The following PLXNA2 variants were observed in gnomAD, a reference collection of about 807,000 sequenced individuals.
PLXNA2 encodes plexin A2.
In PLXNA2, 91 loss-of-function variants were observed where a neutral mutation model predicts 193.5. That is an observed-to-expected ratio of 0.47 (90% CI 0.40 to 0.56). PLXNA2 has a LOEUF of 0.56. Among genes scored for constraint, PLXNA2 ranks in the 20% least tolerant of loss-of-function variants. The probability of loss-of-function intolerance (pLI) is 0.00; values close to 1 mark genes in which losing one functional copy is unlikely to be tolerated. For synonymous variants in PLXNA2, 997 were observed against 1,027.3 expected, an observed-to-expected ratio of 0.97 and a Z score of 0.56; for missense variants, 1,995 against 2,503.2, an observed-to-expected ratio of 0.80 and a Z score of 4.33.
In PLXNA2 at chr1:208,052,223, A is replaced by T. The variant is rs1665286573; in HGVS notation, c.2993+104T>A. 2.6e-6 allele frequency: 3 copies of T among 1,163,792 alleles called. No individual in the cohort carries two copies. The South Asian group carries it at 4.2e-5, about 16-fold the overall frequency. The allele number at this position is 1,163,792 out of a possible 1,614,324, so 72.1% of individuals were successfully genotyped here. Reference sequence around the variant, plus strand: ...TTTGGGTCTAGGTGTAGCAAATAACATGGAGGTGATGGGGCAGGCCTATGA... The same window carrying T: ...TTTGGGTCTAGGTGTAGCAAATAACTTGGAGGTGATGGGGCAGGCCTATGA... On this transcript the variant is annotated intron_variant, in intron 15 of 31. Coordinates refer to ENST00000367033, the MANE Select transcript of PLXNA2 (RefSeq NM_025179.4).
At chr1:208,152,101 T>G (rs1043348347) in intron 3 of PLXNA2, among the ~76,000 whole-genome samples, 9 of 152,250 alleles carry the variant, frequency 5.9e-5, no homozygotes, top group Non-Finnish European at 1.3e-4. Flanking sequence ...GAGATTGCCC[T>G]GCATTTTATA....
Position 208,038,867 on chromosome 1 carries a change from C to T in PLXNA2, c.4618G>A (p.Val1540Met). Residue 1540 changes from valine to methionine, a missense_variant, in exon 25 of 32, where the codon GTG becomes ATG. Around this residue, in one of 3 missense-constraint regions of PLXNA2, gnomAD observed 1,291 missense variants for 1,673.6 expected, o/e 0.77. Coordinates refer to ENST00000367033, the MANE Select transcript of PLXNA2 (RefSeq NM_025179.4). The surrounding 1 kb of genome is among the most constrained non-coding windows in gnomAD (Gnocchi z 4.1). ...GCCCTCGGCCGCTGGGAATAGGGCA[C>T]ATTCTTATACACGGCATCAAGAATC... ...EKILDAVYKNVPYSQRPRAVD... is the reference protein window; with the variant it reads ...EKILDAVYKNMPYSQRPRAVD... The T allele has an allele frequency of 3.7e-6, 6 of 1,614,134 alleles. No individual in the cohort carries two copies. Among genetic ancestry groups the T allele is most frequent in the Middle Eastern group, 3.3e-4 (2 of 6,062 alleles).
At position 208,062,968 on chromosome 1, in the gene PLXNA2, G is replaced by T. The variant is rs183682760; in HGVS notation, c.2587-2131C>A. ...GGAAAGGGCTGCTTCCTTACCTGCT[G>T]CAGGAGAGCATCAGCAGGAGACAAT... On this transcript the variant is annotated intron_variant, in intron 12 of 31. Coordinates refer to ENST00000367033, the MANE Select transcript of PLXNA2 (RefSeq NM_025179.4). Among the ~76,000 whole-genome samples the T allele has an allele frequency of 2.7e-4, 41 of 152,282 alleles. No individual in the cohort carries two copies. The East Asian group carries it at 4.8e-3, about 18-fold the overall frequency.
chr1:208,117,710 G>A (rs1483212269), intron 4 of PLXNA2, among the ~76,000 whole-genome samples: 2 of 152,138 alleles, frequency 1.3e-5, no homozygotes, highest in Non-Finnish European at 2.9e-5. Context: ...GCTATCTGCT[G>A]CCAATTCCAG....
intron 4 of PLXNA2, among the ~76,000 whole-genome samples, chr1:208,132,405 G>A (rs986172791): frequency 3.9e-5 from 6 of 152,192 alleles, no homozygotes; most frequent in Admixed American, 3.9e-4. Context: ...TGTGGATTTG[G>A]CTTCAGAGGT....
intron 26 of PLXNA2, among the ~76,000 whole-genome samples, chr1:208,037,999 G>T (rs574824489): frequency 1.3e-5 from 2 of 152,348 alleles, no homozygotes; most frequent in South Asian, 2.1e-4. Context: ...GCTAAAGAGA[G>T]AAAGTGCCAG....
intron 13 of PLXNA2, among the ~76,000 whole-genome samples, chr1:208,060,211 A>T (rs535612195): frequency 6.6e-6 from 1 of 152,182 alleles, no homozygotes; most frequent in Non-Finnish European, 1.5e-5. Context: ...CCGCAACTAC[A>T]TGCCTATTTT....
chr1:208,190,349 T>C (rs1024667331), intron 3 of PLXNA2, among the ~76,000 whole-genome samples: 1 of 152,236 alleles, frequency 6.6e-6, no homozygotes, highest in African/African-American at 2.4e-5. Context: ...CTGAGTTGTT[T>C]AATAACTGCA....
intron 13 of PLXNA2, among the ~76,000 whole-genome samples, chr1:208,059,570 C>A (rs1665549473): frequency 6.6e-6 from 1 of 152,168 alleles, no homozygotes; most frequent in Non-Finnish European, 1.5e-5. Context: ...AGGAGTCGTG[C>A]CCCATCACTG....
rs373572470 is a variant in PLXNA2, at chr1:208,108,048, G to C, written c.1507-4801C>G. Among the ~76,000 whole-genome samples the C allele has an allele frequency of 3.9e-5, 6 of 152,254 alleles. 1 individual carries two copies. Among genetic ancestry groups the C allele is most frequent in the African/African-American group, 1.4e-4 (6 of 41,532 alleles). On this transcript the variant is annotated intron_variant, in intron 4 of 31. Transcript: ENST00000367033. The stretch of plus-strand genomic sequence containing the variant: ...GTGTTCTTGGCTCTCCTGGCCCCGG[G>C]GCCCCGCGTCTCTGGTGCCTTCCTT...
In PLXNA2 at chr1:208,052,329, G is replaced by A. The variant is rs41283120; in HGVS notation, c.2991C>T (p.Tyr997=). The change falls in exon 15 of 32, where the codon TAC becomes TAT. Residue 997 remains tyrosine (Y), a splice_region_variant and synonymous_variant. Transcript: ENST00000367033. ...GTGGCCCTTCAAGTTTATCTCACCC[G>A]TAGAACTCGCAGGTCTGGTTGCCCA... ...VYLGNQTCEF[Y]GRSMSEIVCV... is the part of the protein sequence containing the mutation. The A allele has an allele frequency of 0.034, 55,318 of 1,612,414 alleles. 1,117 individuals carry two copies. Among genetic ancestry groups the A allele is most frequent in the Non-Finnish European group, 0.041 (48,146 of 1,179,878 alleles).
intron 4 of PLXNA2, among the ~76,000 whole-genome samples, chr1:208,133,102 A>G (rs1212669083): frequency 2.0e-5 from 3 of 152,160 alleles, no homozygotes; most frequent in Admixed American, 6.6e-5. Context: ...GCTGCTCTTC[A>G]CTAGAGAATC....
At chr1:208,200,246 T>C (rs915889498) in intron 3 of PLXNA2, among the ~76,000 whole-genome samples, 1 of 152,170 alleles carries the variant, frequency 6.6e-6, no homozygotes, top group Non-Finnish European at 1.5e-5. Context: ...AGGAGAAGAA[T>C]AGAACCACAG....
chr1:208,211,848 G>T (rs1246703918), intron 2 of PLXNA2, among the ~76,000 whole-genome samples: 2 of 152,202 alleles, frequency 1.3e-5, no homozygotes, highest in Non-Finnish European at 2.9e-5. Context: ...AAGGTCTCAA[G>T]AAAGATCTTA....
At chr1:208,132,326 A>G (rs1212402112) in intron 4 of PLXNA2, among the ~76,000 whole-genome samples, 1 of 152,042 alleles carries the variant, frequency 6.6e-6, no homozygotes, top group Admixed American at 6.5e-5. Context: ...GTGTGGGGAG[A>G]GCAGGAGGGG....
At chr1:208,162,170 G>A (rs577295784) in intron 3 of PLXNA2, among the ~76,000 whole-genome samples, 1 of 152,326 alleles carries the variant, frequency 6.6e-6, no homozygotes, top group South Asian at 2.1e-4. Flanking sequence ...GCCTCATTAG[G>A]AAAGGCCAAA....
intron 3 of PLXNA2, among the ~76,000 whole-genome samples, chr1:208,185,965 T>C (rs1248552082): frequency 1.3e-5 from 2 of 152,034 alleles, no homozygotes. Flanking sequence ...GGCAGCAGAC[T>C]AGATGTAGCC....
chr1:208,085,667 T>C (rs1666495190), intron 9 of PLXNA2, among the ~76,000 whole-genome samples: 2 of 152,246 alleles, frequency 1.3e-5, no homozygotes, highest in Non-Finnish European at 2.9e-5. Flanking sequence ...GGCCACCTCT[T>C]GTCATGGTGT....
At chr1:208,102,320 G>T (rs1288704468) in intron 5 of PLXNA2, among the ~76,000 whole-genome samples, 1 of 152,244 alleles carries the variant, frequency 6.6e-6, no homozygotes, top group Non-Finnish European at 1.5e-5. Context: ...TTGCTAGCTG[G>T]CATGGAGCCC....
Sources: gnomAD v4.1 joint callset for allele counts (sites outside exome capture counted in the v4.1 genomes callset) on GRCh38, gnomAD v4.1.1 for gene constraint, gnomAD v4.1.1 regional missense constraint, Gnocchi (gnomAD v3.1) non-coding constraint, MANE v1.5 for transcripts, NCBI Gene and HGNC (gene_info 2026-07-23, HGNC 2026-07-21) for gene names.